Variants in GABRG3 observed in about 807,000 individuals in gnomAD.
GABRG3 encodes gamma-aminobutyric acid type A receptor subunit gamma3, also known as gamma-aminobutyric acid receptor subunit gamma-3.
Under a neutral mutation model 48.8 loss-of-function variants are expected in GABRG3, and 25 were observed. That is an observed-to-expected ratio of 0.51 (90% CI 0.37 to 0.72). The LOEUF is 0.72. Ranked by LOEUF, GABRG3 falls within the 30% of genes least tolerant of loss-of-function variation. The pLI is 0.00. For synonymous variants in GABRG3, 227 were observed against 217.6 expected (o/e 1.04, Z -0.38); for missense variants, 394 against 577.9 (o/e 0.68, Z 3.26).
At chr15:27,136,647 G>T (rs759048527) in intron 3 of GABRG3, among the ~76,000 whole-genome samples, 71 of 152,076 alleles carry the variant, frequency 4.7e-4, no homozygotes, top group Non-Finnish European at 6.9e-4. Flanking sequence ...ATGTGGAAAT[G>T]GGCAAACTTT....
At chr15:27,044,376 C>G (rs920008407) in intron 3 of GABRG3, among the ~76,000 whole-genome samples, 2 of 149,892 alleles carry the variant, frequency 1.3e-5, no homozygotes, top group South Asian at 4.4e-4. Context: ...TTAGGCAAAT[C>G]GAAGCTATCA....
In GABRG3 at chr15:27,527,597, A is replaced by G. The variant is rs749327046; in HGVS notation, c.1030A>G (p.Arg344Gly). ...YATLNYYSSC[R>G]KPTTTKKTTS... ...CACCCTCAACTACTATTCCAGCTGT[A>G]GAAAACCAACCACCACGAAGAAGAC... is the stretch of plus-strand genomic sequence containing the variant. The change falls in exon 8 of 10, where the codon AGA becomes GGA. Residue 344 changes from arginine (R) to glycine (G), a missense_variant. Arg to Gly is a moderately radical substitution (Grantham distance 125). This residue lies in a region of GABRG3 where 126 missense variants were observed against 155.5 expected (regional missense o/e 0.81). Coordinates refer to ENST00000615808, the MANE Select transcript of GABRG3 (RefSeq NM_033223.5). The G allele has an allele frequency of 1.2e-6, 2 of 1,612,838 alleles. No individual in the cohort carries two copies. Among genetic ancestry groups the G allele is most frequent in the Non-Finnish European group, 8.5e-7 (1 of 1,179,328 alleles).
At chr15:27,347,447 C>T (rs552181775) in intron 5 of GABRG3, among the ~76,000 whole-genome samples, 1 of 152,126 alleles carries the variant, frequency 6.6e-6, no homozygotes, top group East Asian at 1.9e-4. Flanking sequence ...AGTCTATTTC[C>T]TAGAAGCCCT....
Position 27,348,155 on chromosome 15 carries a change from C to CAAAAAAAAAAAAAAAAAAAAAAAAA in GABRG3, c.574+19270_574+19271insAAAAAAAAAAAAAAAAAAAAAAAAA, listed in dbSNP as rs535295684. 1.7e-4 allele frequency among the ~76,000 whole-genome samples: 18 copies of CAAAAAAAAAAAAAAAAAAAAAAAAA among 102,972 alleles called. 4 individuals carry two copies. The highest frequency in any genetic ancestry group is 8.2e-4 in the African/African-American group (18 of 21,948). The allele number at this position is 102,972 out of a possible 152,430, so 67.6% of individuals were successfully genotyped here. On this transcript the variant is annotated intron_variant, in intron 5 of 9. Transcript: ENST00000615808. ...TGGGTGACAGAGCGAGACTCCATCT[C>CAAAAAAAAAAAAAAAAAAAAAAAAA]AAATAAATAAAGAGTTGGAGATTTT...
At chr15:27,361,810 T>C (rs932603427) in intron 5 of GABRG3, among the ~76,000 whole-genome samples, 1 of 152,224 alleles carries the variant, frequency 6.6e-6, no homozygotes, top group African/African-American at 2.4e-5. Context: ...ACACGACGTG[T>C]CAATTAAGCC....
At position 27,409,280 on chromosome 15, in the gene GABRG3, A is replaced by G. The variant is rs546965694; in HGVS notation, c.575-71370A>G. ...GAATTAATTTTTGTGCATGGCATGC[A>G]ATATAGATTAAGGTTTGGTGCGGGG... On this transcript the variant is annotated intron_variant, in intron 5 of 9. Transcript: ENST00000615808. 5.9e-5 allele frequency among the ~76,000 whole-genome samples: 9 copies of G among 152,280 alleles called. No homozygotes were observed. The East Asian group carries it at 7.7e-4, about 13-fold the overall frequency.
chr15:27,328,492 A>G (rs2140519820), intron 4 of GABRG3, among the ~76,000 whole-genome samples: 1 of 152,390 alleles, frequency 6.6e-6, no homozygotes, highest in South Asian at 2.1e-4. Flanking sequence ...TAATTCAAAC[A>G]GATTGAAAAC....
chr15:27,185,661 G>C, intron 3 of GABRG3, among the ~76,000 whole-genome samples: 1 of 151,958 alleles, frequency 6.6e-6, no homozygotes, highest in East Asian at 1.9e-4. Flanking sequence ...CTATAAATTT[G>C]TATCTTTCTT....
chr15:27,448,029 A>G (rs1435647106), intron 5 of GABRG3, among the ~76,000 whole-genome samples: 5 of 152,230 alleles, frequency 3.3e-5, no homozygotes, highest in South Asian at 2.1e-4. Flanking sequence ...AAATATTTAT[A>G]AAAACAAAGC....
intron 3 of GABRG3, among the ~76,000 whole-genome samples, chr15:27,049,674 T>A (rs1566920389): frequency 2.0e-5 from 3 of 152,218 alleles, no homozygotes; most frequent in Admixed American, 1.3e-4. Context: ...TCAAATATAT[T>A]TAAGAATTAC....
At chr15:27,203,144 A>T (rs546620985) in intron 3 of GABRG3, among the ~76,000 whole-genome samples, 131 of 152,270 alleles carry the variant, frequency 8.6e-4, no homozygotes, top group South Asian at 2.9e-3. Context: ...TAATTTTGTC[A>T]TCCAAGGAAT....
At chr15:27,239,345 T>C (rs935729339) in intron 3 of GABRG3, among the ~76,000 whole-genome samples, 2 of 152,216 alleles carry the variant, frequency 1.3e-5, no homozygotes, top group African/African-American at 2.4e-5. Flanking sequence ...CTTCCCTTGC[T>C]CTGTTTGTCA....
At chr15:27,353,989 C>T (rs1299117306) in intron 5 of GABRG3, among the ~76,000 whole-genome samples, 1 of 152,080 alleles carries the variant, frequency 6.6e-6, no homozygotes, top group Non-Finnish European at 1.5e-5. Flanking sequence ...ATGCCTGGCT[C>T]TGTAAGGGCT....
intron 6 of GABRG3, among the ~76,000 whole-genome samples, chr15:27,505,139 G>GT (rs955964473): frequency 3.3e-5 from 5 of 151,714 alleles, no homozygotes; most frequent in South Asian, 2.1e-4. Flanking sequence ...ATGATAATTT[G>GT]TTTTTTTTAT....
At chr15:26,991,424 A>C (rs1359828070) in intron 2 of GABRG3, among the ~76,000 whole-genome samples, 1 of 151,644 alleles carries the variant, frequency 6.6e-6, no homozygotes, top group African/African-American at 2.4e-5. Context: ...TTCCATATAC[A>C]TTTTAGGATA....
intron 3 of GABRG3, among the ~76,000 whole-genome samples, chr15:27,307,145 T>TATAAACATGTTTATAC: frequency 1.5e-5 from 2 of 133,568 alleles, no homozygotes; most frequent in Non-Finnish European, 3.1e-5. Flanking sequence ...TTTATACATA[T>TATAAACATGTTTATAC]ATAAACATAT....
At chr15:27,185,840 A>G (rs1046670305) in intron 3 of GABRG3, among the ~76,000 whole-genome samples, 12 of 152,078 alleles carry the variant, frequency 7.9e-5, no homozygotes, top group African/African-American at 2.7e-4. Flanking sequence ...AAATACTAAT[A>G]TAGACACTAC....
intron 1 of GABRG3, 75 bp downstream of exon 1, chr15:26,971,663 A>C (rs1894847487): frequency 6.9e-7 from 1 of 1,452,464 alleles, no homozygotes; most frequent in Non-Finnish European, 9.0e-7. Flanking sequence ...TGTCTGCTGG[A>C]GTCCCTGGCG....
intron 3 of GABRG3, among the ~76,000 whole-genome samples, chr15:27,166,718 C>T (rs1326689270): frequency 6.6e-6 from 1 of 152,170 alleles, no homozygotes; most frequent in Non-Finnish European, 1.5e-5. Flanking sequence ...GAAATGAAGA[C>T]ACTCCACTTA....
Sources: allele counts gnomAD v4.1 joint callset (sites outside exome capture counted in the v4.1 genomes callset), GRCh38; gene constraint gnomAD v4.1.1; regional missense constraint gnomAD v4.1.1; transcripts MANE v1.5; gene names NCBI Gene and HGNC (gene_info 2026-07-23, HGNC 2026-07-21).